The following PTH2R variants were observed in gnomAD, a reference collection of about 807,000 sequenced individuals.
The protein encoded by PTH2R is parathyroid hormone 2 receptor, also known as PTH2 receptor.
A neutral mutation model predicts 60.3 loss-of-function variants in PTH2R; 59 were observed. That is an observed-to-expected ratio of 0.98 (90% CI 0.79 to 1.22). The LOEUF (loss-of-function observed/expected upper bound fraction) is 1.22, where lower values mean the gene tolerates loss of function less well. Ranked by LOEUF, PTH2R falls within the 50% of genes most tolerant of loss-of-function variation. The pLI is 0.00. For synonymous variants in PTH2R, 256 were observed against 243.8 expected (o/e 1.05, Z -0.47); for missense variants, 749 against 682.6 (o/e 1.10, Z -1.08).
At chr2:208,440,680 G>C (rs934470639) in intron 4 of PTH2R, among the ~76,000 whole-genome samples, 7 of 152,146 alleles carry the variant, frequency 4.6e-5, no homozygotes, top group Admixed American at 2.6e-4. Context: ...GCTATTGAAG[G>C]GGACAAAGAG....
At chr2:208,381,780 G>A (rs1188333103) in intron 1 of PTH2R, among the ~76,000 whole-genome samples, 1 of 152,058 alleles carries the variant, frequency 6.6e-6, no homozygotes, top group Non-Finnish European at 1.5e-5. Context: ...GCTCTAATCA[G>A]TTGGCTTTCA....
intron 1 of PTH2R, among the ~76,000 whole-genome samples, chr2:208,425,563 G>A (rs1701841119): frequency 6.6e-6 from 1 of 152,246 alleles, no homozygotes; most frequent in African/African-American, 2.4e-5. Context: ...GCCTGGCCCT[G>A]CTCTGCAAGG....
intron 9 of PTH2R, among the ~76,000 whole-genome samples, chr2:208,475,177 A>C (rs1702972520): frequency 6.6e-6 from 1 of 152,246 alleles, no homozygotes; most frequent in Non-Finnish European, 1.5e-5. Flanking sequence ...TAGCTGAATT[A>C]AAATGTGAAA....
chr2:208,477,825 A>G (rs1703042395), intron 9 of PTH2R, among the ~76,000 whole-genome samples: 2 of 151,578 alleles, frequency 1.3e-5, no homozygotes, highest in South Asian at 4.2e-4. Context: ...TACATGAAAT[A>G]CACAAGAACC....
chr2:208,386,179 C>G (rs1048919358), intron 1 of PTH2R, among the ~76,000 whole-genome samples: 2 of 152,206 alleles, frequency 1.3e-5, no homozygotes, highest in Non-Finnish European at 2.9e-5. Context: ...TGCTCATCAT[C>G]ATACTCATGT....
At chr2:208,457,238 C>T (rs1702532817) in intron 8 of PTH2R, among the ~76,000 whole-genome samples, 1 of 152,194 alleles carries the variant, frequency 6.6e-6, no homozygotes, top group South Asian at 2.1e-4. Context: ...TGTGATTCTG[C>T]ATAACTCAGT....
chr2:208,421,552 T>C (rs951363057), intron 1 of PTH2R, among the ~76,000 whole-genome samples: 1 of 152,176 alleles, frequency 6.6e-6, no homozygotes, highest in African/African-American at 2.4e-5. Context: ...TTCTCAAAAC[T>C]ATAATGTTTA....
chr2:208,385,658 A>G (rs548916795), intron 1 of PTH2R, among the ~76,000 whole-genome samples: 3 of 152,336 alleles, frequency 2.0e-5, no homozygotes, highest in East Asian at 1.9e-4. Flanking sequence ...TAATTTTTCA[A>G]TGACGTAGTA....
rs1701722585 is a variant in PTH2R, at chr2:208,420,065, T to C, written c.76-8136T>C. On this transcript the variant is annotated intron_variant, in intron 1 of 12. Transcript: ENST00000272847. Reference sequence around the variant, plus strand: ...AAACCAAACACCGCATGTTCTCACTTATAGGTGGGAATTGAACAATGAGAA... The same window carrying C: ...AAACCAAACACCGCATGTTCTCACTCATAGGTGGGAATTGAACAATGAGAA... 5.3e-5 allele frequency among the ~76,000 whole-genome samples: 8 copies of C among 151,738 alleles called. No individual in the cohort carries two copies. In the South Asian group the frequency reaches 1.7e-3, roughly 32 times the overall value.
chr2:208,417,833 G>T (rs1159831336), intron 1 of PTH2R, among the ~76,000 whole-genome samples: 3 of 152,026 alleles, frequency 2.0e-5, no homozygotes, highest in Non-Finnish European at 4.4e-5. Context: ...ATATCTTGAG[G>T]GGAGAAAGAA....
intron 4 of PTH2R, among the ~76,000 whole-genome samples, chr2:208,440,550 G>A (rs571700154): frequency 6.6e-6 from 1 of 152,174 alleles, no homozygotes; most frequent in Non-Finnish European, 1.5e-5. Context: ...GTAAACATGA[G>A]TTGAGGATGC....
chr2:208,420,144 G>GT (rs1701724837), intron 1 of PTH2R, among the ~76,000 whole-genome samples: 1 of 152,032 alleles, frequency 6.6e-6, no homozygotes, highest in Non-Finnish European at 1.5e-5. Context: ...GTGGGGTGGG[G>GT]GGAGTGGGGA....
At chr2:208,393,423 C>G (rs1431257520) in intron 1 of PTH2R, among the ~76,000 whole-genome samples, 1 of 152,148 alleles carries the variant, frequency 6.6e-6, no homozygotes, top group Non-Finnish European at 1.5e-5. Flanking sequence ...TGGCCCTGGT[C>G]TTCCATAGGC....
At chr2:208,478,893 C>T (rs1559232255) in intron 9 of PTH2R, among the ~76,000 whole-genome samples, 3 of 152,154 alleles carry the variant, frequency 2.0e-5, no homozygotes, top group Admixed American at 6.5e-5. Flanking sequence ...ATGCCTGTCT[C>T]ATAGAGCTGC....
At chr2:208,377,997 G>A (rs1343105428) in intron 1 of PTH2R, among the ~76,000 whole-genome samples, 3 of 152,026 alleles carry the variant, frequency 2.0e-5, no homozygotes, top group Non-Finnish European at 2.9e-5. Flanking sequence ...CTGCAATCTC[G>A]GCACTTTGGG....
At chr2:208,372,639 A>G (rs1035988738) in intron 1 of PTH2R, among the ~76,000 whole-genome samples, 1 of 152,080 alleles carries the variant, frequency 6.6e-6, no homozygotes, top group Non-Finnish European at 1.5e-5. Context: ...TGTCAACTAA[A>G]AAACATATTT....
chr2:208,448,537 G>A (rs1452876563), intron 7 of PTH2R, among the ~76,000 whole-genome samples: 1 of 151,180 alleles, frequency 6.6e-6, no homozygotes, highest in East Asian at 1.9e-4. Flanking sequence ...GGGAGGCTGA[G>A]GCAAGAGTAT....
rs1032140162 is a variant in PTH2R at position 208,392,024 on chromosome 2, G to A, written c.-259+31787G>A. Among the ~76,000 whole-genome samples the A allele has an allele frequency of 2.0e-5, 3 of 152,164 alleles. No homozygotes were observed. The South Asian group carries it at 6.2e-4, about 32-fold the overall frequency. ...ACGAAGACTATCTCAAAATCCCTAA[G>A]GGAAAACCATCCATGTTAACTGGGT... On this transcript the variant is annotated intron_variant, in intron 1 of 12. Transcript: ENST00000617735.
Position 208,489,054 on chromosome 2 carries a change from A to G in PTH2R, c.1119A>G (p.Gly373=), listed in dbSNP as rs538375331. The G allele has an allele frequency of 1.2e-6, 2 of 1,613,992 alleles. No homozygotes were observed. The highest frequency in any genetic ancestry group is 1.7e-5 in the Admixed American group (1 of 59,994). The change falls in exon 11 of 13, where the codon GGA becomes GGG. Residue 373 remains glycine, a synonymous_variant. Transcript: ENST00000272847. Reference sequence around the variant, plus strand: ...CACTGGTCCTGGTCCTAGTCTTTGGAGTGCATTACATCGTGTTCGTATGCC... The same window carrying G: ...CACTGGTCCTGGTCCTAGTCTTTGGGGTGCATTACATCGTGTTCGTATGCC... ...KSTLVLVLVF[G]VHYIVFVCLP...
Sources: allele counts gnomAD v4.1 joint callset (sites outside exome capture counted in the v4.1 genomes callset), GRCh38; gene constraint gnomAD v4.1.1; transcripts MANE v1.5; gene names NCBI Gene and HGNC (gene_info 2026-07-23, HGNC 2026-07-21).